The following GRIK5 variants were observed in gnomAD, a reference collection of about 807,000 sequenced individuals.
GRIK5 encodes the protein glutamate receptor ionotropic, kainate 5.
A neutral mutation model predicts 97.4 loss-of-function variants in GRIK5; 43 were observed. The observed-to-expected ratio is 0.44, with a 90% confidence interval of 0.35 to 0.57. The LOEUF (loss-of-function observed/expected upper bound fraction) is 0.57. Ranked by LOEUF, GRIK5 falls within the 20% of genes least tolerant of loss-of-function variation. The pLI is 0.01. For missense variants in GRIK5, 1,015 were observed against 1,382.0 expected, an observed-to-expected ratio of 0.73 and a Z score of 4.21; for synonymous variants, 580 against 583.5, an observed-to-expected ratio of 0.99 and a Z score of 0.09.
At position 42,006,727 on chromosome 19, in the gene GRIK5, A is replaced by C; in HGVS notation, c.1955T>G (p.Val652Gly). 1 of 1,613,998 alleles carries C rather than the reference A, an allele frequency of 6.2e-7. No homozygotes were observed. Among genetic ancestry groups the C allele is most frequent in the Non-Finnish European group, 8.5e-7 (1 of 1,179,878 alleles). ...ATCTGCCAGGTCATCGGCCGACTCC[A>C]CAGGCACCTCCATGCGCTGCACGGT... ...FLTVQRMEVP[V>G]ESADDLADQT... The change falls in exon 16 of 20, where the codon GTG becomes GGG. Residue 652 changes from valine (V) to glycine (G), a missense_variant. Physicochemically the swap from Val to Gly is moderately radical, Grantham distance 109. Transcript: ENST00000593562. The surrounding 1 kb of genome is among the most constrained non-coding windows in gnomAD (Gnocchi z 5.3).
chr19:42,026,901 C>T (rs2075778575), intron 12 of GRIK5, among the ~76,000 whole-genome samples: 1 of 152,102 alleles, frequency 6.6e-6, no homozygotes, highest in South Asian at 2.1e-4. Flanking sequence ...AAATGCCTCA[C>T]CCGACCCAAT....
In GRIK5 at chr19:42,003,443, C is replaced by T; in HGVS notation, c.2403G>A (p.Met801Ile). ...EEDHRAKGLG[M>I]ENIGGIFIVL... is the part of the protein sequence containing the mutation. ...CGATAAAAATGCCACCAATGTTCTC[C>T]ATGCCCAAACCTGGAGGGCGAAGGG... The change falls in exon 19 of 20, where the codon ATG becomes ATA. Residue 801 changes from methionine to isoleucine, a missense_variant. Met to Ile is a conservative substitution (Grantham distance 10). This residue lies in a region of GRIK5 where 229 missense variants were observed against 341.0 expected (regional missense o/e 0.67). Transcript: ENST00000593562. The surrounding 1 kb of genome is among the most constrained non-coding windows in gnomAD (Gnocchi z 4.2). 6.2e-7 allele frequency: 1 copy of T among 1,613,984 alleles called. No individual in the cohort carries two copies. Among genetic ancestry groups the T allele is most frequent in the South Asian group, 1.1e-5 (1 of 91,076 alleles).
Position 42,003,666 on chromosome 19 carries a change from C to A in GRIK5, c.2281G>T (p.Glu761Ter). The A allele has an allele frequency of 6.2e-7, 1 of 1,612,320 alleles. No homozygotes were observed. The highest frequency in any genetic ancestry group is 8.5e-7 in the Non-Finnish European group (1 of 1,179,072). ...AGCTGCAGGATGGCCAGTGTGATCTCATCCCGGAACGGGGAGCCTGGGCAG... is the reference window on the plus strand; with the variant it reads ...AGCTGCAGGATGGCCAGTGTGATCTAATCCCGGAACGGGGAGCCTGGGCAG... The part of the protein sequence containing the change: ...GMPLGSPFRD[E>*]ITLAILQLQE... Residue 761 changes from glutamate to a stop codon, truncating the protein, a stop_gained, in exon 18 of 20, where the codon GAG becomes TAG. Transcript: ENST00000593562. LOFTEE classifies it high-confidence loss of function. The surrounding 1 kb of genome is among the most constrained non-coding windows in gnomAD (Gnocchi z 4.2).
chr19:42,026,301 T>C (rs910526275), intron 12 of GRIK5, among the ~76,000 whole-genome samples: 1 of 151,602 alleles, frequency 6.6e-6, no homozygotes, highest in Non-Finnish European at 1.5e-5. Flanking sequence ...TTTATTATTA[T>C]TATTATTTTT....
At chr19:42,056,551 C>T (rs2076187773) in intron 8 of GRIK5, 111 bp downstream of exon 8, 1 of 910,688 alleles carries the variant, frequency 1.1e-6, no homozygotes, top group African/African-American at 1.6e-5. Context: ...ACCACGAGGC[C>T]TCAGGGAGGG....
rs1198974730 is a variant in GRIK5 at position 42,042,859 on chromosome 19, G to T, written c.1270-104C>A. 2.5e-6 allele frequency: 2 copies of T among 798,830 alleles called. No individual in the cohort carries two copies. Among genetic ancestry groups the T allele is most frequent in the African/African-American group, 3.4e-5 (2 of 58,442 alleles). 49.5% of individuals were successfully genotyped at this position (798,830 alleles called of 1,614,324 possible). On this transcript the variant is annotated intron_variant, in intron 11 of 19. Transcript: ENST00000593562. This position sits in a 1 kb window ranked among gnomAD's most constrained non-coding sequence, Gnocchi z 6.9. ...CAGGTAGAGCAGGAATCTGCTTGCT[G>T]AGCACGGTTGATTTATTCATAGTAC...
At chr19:42,015,700 C>T (rs544582101) in intron 15 of GRIK5, among the ~76,000 whole-genome samples, 6 of 152,256 alleles carry the variant, frequency 3.9e-5, no homozygotes, top group Admixed American at 2.0e-4. Context: ...GACACAGGAC[C>T]GACCCGGGAG....
Position 42,065,476 on chromosome 19 carries a change from G to A in GRIK5, c.80-89C>T. ...TTAGACTCCAGGGCTCTAGGGTGAGGTGGGTATACGGACCAGGGGTCTAGA... is the reference window on the plus strand; with the variant it reads ...TTAGACTCCAGGGCTCTAGGGTGAGATGGGTATACGGACCAGGGGTCTAGA... On this transcript the variant is annotated intron_variant, in intron 2 of 19. Transcript: ENST00000593562. This position sits in a 1 kb window ranked among gnomAD's most constrained non-coding sequence, Gnocchi z 5.8. The A allele has an allele frequency of 7.4e-7, 1 of 1,350,772 alleles. No individual in the cohort carries two copies. Among genetic ancestry groups the A allele is most frequent in the Non-Finnish European group, 1.0e-6 (1 of 992,998 alleles). The allele number at this position is 1,350,772 out of a possible 1,614,324, so 83.7% of individuals were successfully genotyped here.
At chr19:42,023,325 G>A (rs2075726311) in intron 12 of GRIK5, among the ~76,000 whole-genome samples, 1 of 152,166 alleles carries the variant, frequency 6.6e-6, no homozygotes, top group Admixed American at 6.5e-5. Flanking sequence ...CCAGAATGTG[G>A]ATTCGGAGAA....
intron 15 of GRIK5, among the ~76,000 whole-genome samples, chr19:42,009,826 G>A (rs892997477): frequency 4.0e-5 from 6 of 149,254 alleles, no homozygotes; most frequent in African/African-American, 9.9e-5. Context: ...TAGCACTTTC[G>A]GAGGCCGATG....
At chr19:42,053,547 C>A (rs1185415889) in intron 11 of GRIK5, 55 bp downstream of exon 11, 1 of 1,054,912 alleles carries the variant, frequency 9.5e-7, no homozygotes, top group Non-Finnish European at 1.5e-6. Context: ...ACGGTGGGAG[C>A]TAGGACTGGG....
Position 42,002,379 on chromosome 19 carries a change from C to A in GRIK5, c.2514+953G>T, listed in dbSNP as rs782413238. On this transcript the variant is annotated intron_variant, in intron 19 of 19. Transcript: ENST00000593562. The surrounding 1 kb of genome is among the most constrained non-coding windows in gnomAD (Gnocchi z 5.2). ...TGGCCTGAATCCAATAAAGAGAGGACAACTGATGCTGCAGGAGGAAAGGAC... is the reference window on the plus strand; with the variant it reads ...TGGCCTGAATCCAATAAAGAGAGGAAAACTGATGCTGCAGGAGGAAAGGAC... 1.3e-5 allele frequency: 9 copies of A among 717,432 alleles called. No homozygotes were observed. Among genetic ancestry groups the A allele is most frequent in the East Asian group, 8.0e-5 (3 of 37,296 alleles). 44.4% of individuals were successfully genotyped at this position (717,432 alleles called of 1,614,324 possible). A position where few individuals can be genotyped will look rare whatever the true frequency, so the allele number is the denominator to read the frequency against.
Position 42,002,222 on chromosome 19 carries a change from A to G in GRIK5, c.2514+1110T>C, listed in dbSNP as rs1461286237. On this transcript the variant is annotated intron_variant, in intron 19 of 19. Coordinates refer to ENST00000593562, the MANE Select transcript of GRIK5 (RefSeq NM_002088.5). The surrounding 1 kb of genome is among the most constrained non-coding windows in gnomAD (Gnocchi z 5.2). ...GAAATGGGAGGAAAGAAGAAACTGG[A>G]AGCATCAGGGAGACCCCCCACTGCT... 5 of 717,502 alleles carry G rather than the reference A, an allele frequency of 7.0e-6. No homozygotes were observed. The highest frequency in any genetic ancestry group is 1.3e-5 in the Non-Finnish European group (5 of 385,110). 44.4% of individuals were successfully genotyped at this position (717,502 alleles called of 1,614,324 possible). A position where few individuals can be genotyped will look rare whatever the true frequency, so the allele number is the denominator to read the frequency against.
chr19:42,023,601 A>G (rs2146055648), intron 12 of GRIK5, among the ~76,000 whole-genome samples: 1 of 152,204 alleles, frequency 6.6e-6, no homozygotes, highest in South Asian at 2.1e-4. Context: ...CTTCCTCCTG[A>G]AAGCCTAAGG....
At chr19:42,048,696 A>T (rs537408916) in intron 11 of GRIK5, among the ~76,000 whole-genome samples, 10 of 152,208 alleles carry the variant, frequency 6.6e-5, no homozygotes, top group East Asian at 3.9e-4. Flanking sequence ...CAATTTTTTT[A>T]AAATAGAAAA....
intron 12 of GRIK5, among the ~76,000 whole-genome samples, chr19:42,023,392 C>G (rs1448371343): frequency 6.6e-6 from 1 of 152,164 alleles, no homozygotes; most frequent in Non-Finnish European, 1.5e-5. Flanking sequence ...CTTTGTTGTA[C>G]ACTTGCCACT....
At position 42,022,735 on chromosome 19, in the gene GRIK5, A is replaced by G; in HGVS notation, c.1474-381T>C. 3.6e-6 allele frequency: 3 copies of G among 844,406 alleles called. No individual in the cohort carries two copies. The highest frequency in any genetic ancestry group is 4.3e-6 in the Non-Finnish European group (3 of 701,412). The allele number at this position is 844,406 out of a possible 1,614,324, so 52.3% of individuals were successfully genotyped here. On this transcript the variant is annotated intron_variant, in intron 12 of 19. Coordinates refer to ENST00000593562, the MANE Select transcript of GRIK5 (RefSeq NM_002088.5). The surrounding 1 kb of genome is among the most constrained non-coding windows in gnomAD (Gnocchi z 4.2). ...AGACTGACAGCACTCGAGATAATAC[A>G]GGCCCGGACAGAACACAGAGCAGGG...
rs1555872546 is a variant in GRIK5 at position 42,005,957 on chromosome 19, G to A, written c.2038-9C>T. 7.0e-7 allele frequency: 1 copy of A among 1,435,006 alleles called. No homozygotes were observed. The highest frequency in any genetic ancestry group is 9.7e-7 in the Non-Finnish European group (1 of 1,029,602). 88.9% of individuals were successfully genotyped at this position (1,435,006 alleles called of 1,614,324 possible). On this transcript the variant is annotated splice_polypyrimidine_tract_variant and intron_variant, in intron 16 of 19. Transcript: ENST00000593562. ...GTTTGGTACCGTGAATTCTGGGCAG[G>A]AGGATCACAAGGGGAAGATGGGAGG...
chr19:42,056,064 C>T (rs1325416822), intron 8 of GRIK5, among the ~76,000 whole-genome samples: 2 of 152,182 alleles, frequency 1.3e-5, no homozygotes, highest in Non-Finnish European at 2.9e-5. Context: ...CAGCTCACTG[C>T]AACCTCCGCC....
Sources: allele counts gnomAD v4.1 joint callset (sites outside exome capture counted in the v4.1 genomes callset), GRCh38; gene constraint gnomAD v4.1.1; regional missense constraint gnomAD v4.1.1; non-coding constraint Gnocchi (gnomAD v3.1); transcripts MANE v1.5; gene names NCBI Gene and HGNC (gene_info 2026-07-23, HGNC 2026-07-21).